Variants in HCRTR2 observed in about 807,000 individuals in gnomAD.
The protein encoded by HCRTR2 is orexin receptor type 2.
HCRTR2 carries 22 observed loss-of-function variants against 49.0 expected under a neutral mutation model. That is an observed-to-expected ratio of 0.45 (90% CI 0.32 to 0.64). HCRTR2 has a LOEUF of 0.64. Among genes scored for constraint, HCRTR2 ranks in the 30% least tolerant of loss-of-function variants. HCRTR2 has a pLI of 0.04. For missense variants in HCRTR2, 491 were observed against 559.4 expected (o/e 0.88, Z 1.23); for synonymous variants, 236 against 205.3 (o/e 1.15, Z -1.28).
At chr6:55,108,298 A>G (rs953425862) in intron 1 of HCRTR2, among the ~76,000 whole-genome samples, 3 of 151,998 alleles carry the variant, frequency 2.0e-5, no homozygotes, top group Non-Finnish European at 4.4e-5. Context: ...GTGGGTGGAG[A>G]CTCACATTAT....
At chr6:55,232,870 T>G (rs1234168288) in intron 1 of HCRTR2, among the ~76,000 whole-genome samples, 1 of 152,184 alleles carries the variant, frequency 6.6e-6, no homozygotes, top group African/African-American at 2.4e-5. Context: ...TGAGATAGAT[T>G]TTTAACTCCG....
chr6:55,137,941 A>G (rs1171321043), intron 1 of HCRTR2, among the ~76,000 whole-genome samples: 1 of 152,190 alleles, frequency 6.6e-6, no homozygotes, highest in Non-Finnish European at 1.5e-5. Context: ...ATGTGGCCAT[A>G]GGAACTTTAG....
chr6:55,264,542 C>T (rs939017385), intron 4 of HCRTR2, among the ~76,000 whole-genome samples: 1 of 151,924 alleles, frequency 6.6e-6, no homozygotes, highest in East Asian at 1.9e-4. Context: ...AGATGCAGGG[C>T]GAAAATTACT....
intron 1 of HCRTR2, among the ~76,000 whole-genome samples, chr6:55,198,426 C>T (rs866073651): frequency 9.9e-5 from 15 of 152,106 alleles, no homozygotes; most frequent in South Asian, 6.2e-4. Flanking sequence ...CTAATGCTAA[C>T]GTTCAGGCTA....
chr6:55,225,696 A>C (rs1253889938), intron 1 of HCRTR2, among the ~76,000 whole-genome samples: 1 of 152,232 alleles, frequency 6.6e-6, no homozygotes, highest in Non-Finnish European at 1.5e-5. Context: ...TTTTTAAGAT[A>C]CATGAAGGTT....
chr6:55,187,222 T>C (rs1180832806), intron 1 of HCRTR2, among the ~76,000 whole-genome samples: 3 of 151,562 alleles, frequency 2.0e-5, no homozygotes, highest in African/African-American at 7.3e-5. Context: ...CTGGCCAACA[T>C]GGTAAAACCC....
intron 1 of HCRTR2, among the ~76,000 whole-genome samples, chr6:55,162,147 G>A (rs963321128): frequency 2.0e-4 from 30 of 152,164 alleles, no homozygotes; most frequent in African/African-American, 3.1e-4. Flanking sequence ...CCACGATCAA[G>A]TTGGCTTCAT....
At chr6:55,150,330 T>TATA in intron 1 of HCRTR2, among the ~76,000 whole-genome samples, 1 of 151,812 alleles carries the variant, frequency 6.6e-6, no homozygotes, top group Admixed American at 6.6e-5. Context: ...TTATTATTAT[T>TATA]ATTATTGGTG....
chr6:55,264,864 G>C (rs1766833716), intron 4 of HCRTR2, among the ~76,000 whole-genome samples: 1 of 152,066 alleles, frequency 6.6e-6, no homozygotes, highest in African/African-American at 2.4e-5. Context: ...CAACTGAAAA[G>C]ATTTACTGGA....
intron 1 of HCRTR2, among the ~76,000 whole-genome samples, chr6:55,150,750 G>A (rs1764654056): frequency 6.6e-6 from 1 of 151,874 alleles, no homozygotes; most frequent in Non-Finnish European, 1.5e-5. Flanking sequence ...TGGAAATGGA[G>A]GTTGCTTCCA....
chr6:55,239,234 A>G (rs1488632733), intron 1 of HCRTR2, among the ~76,000 whole-genome samples: 1 of 152,184 alleles, frequency 6.6e-6, no homozygotes, highest in Non-Finnish European at 1.5e-5. Flanking sequence ...GCCAGCCTTA[A>G]AGGCCTGTGA....
chr6:55,264,041 T>G, intron 4 of HCRTR2: 1 of 500,492 alleles, frequency 2.0e-6, no homozygotes, highest in Non-Finnish European at 3.5e-6. Context: ...CTAGGCATTT[T>G]TAGAGTAATA....
At chr6:55,106,976 G>A (rs1357640524) in intron 1 of HCRTR2, among the ~76,000 whole-genome samples, 1 of 152,116 alleles carries the variant, frequency 6.6e-6, no homozygotes, top group Non-Finnish European at 1.5e-5. Flanking sequence ...AGTCATGAAA[G>A]CACCTTCTAG....
chr6:55,230,221 A>G (rs1035626610), intron 1 of HCRTR2, among the ~76,000 whole-genome samples: 1 of 152,240 alleles, frequency 6.6e-6, no homozygotes, highest in Non-Finnish European at 1.5e-5. Context: ...TCTGTTTTAA[A>G]GTCTTTAGTA....
intron 1 of HCRTR2, among the ~76,000 whole-genome samples, chr6:55,154,721 A>T (rs913054900): frequency 8.5e-6 from 1 of 117,400 alleles, no homozygotes; most frequent in Non-Finnish European, 2.2e-5. Flanking sequence ...AATAAATATA[A>T]ATAAATAAAT....
At chr6:55,159,983 G>C (rs1764783527) in intron 1 of HCRTR2, among the ~76,000 whole-genome samples, 1 of 152,090 alleles carries the variant, frequency 6.6e-6, no homozygotes, top group Non-Finnish European at 1.5e-5. Context: ...AGGAAATACA[G>C]AGTACATCAC....
At chr6:55,251,150 A>G (rs947675144) in intron 2 of HCRTR2, among the ~76,000 whole-genome samples, 3 of 152,126 alleles carry the variant, frequency 2.0e-5, no homozygotes, top group Non-Finnish European at 4.4e-5. Context: ...TATGATATTT[A>G]TGTCTTACTG....
At chr6:55,283,187 A>G (rs75411348), downstream of HCRTR2, among the ~76,000 whole-genome samples, 1,802 of 152,318 alleles carry the variant, frequency 0.012, 33 homozygotes, top group African/African-American at 0.041. Flanking sequence ...CAACAACAAC[A>G]AAAAGTGATA....
intron 1 of HCRTR2, among the ~76,000 whole-genome samples, chr6:55,144,339 C>T (rs1376786126): frequency 3.3e-5 from 5 of 151,970 alleles, no homozygotes; most frequent in Non-Finnish European, 5.9e-5. Context: ...TGGTCTTGAA[C>T]TCCAGACCTC....
Sources: allele counts gnomAD v4.1 joint callset (sites outside exome capture counted in the v4.1 genomes callset), GRCh38; gene constraint gnomAD v4.1.1; transcripts MANE v1.5; gene names NCBI Gene and HGNC (gene_info 2026-07-23, HGNC 2026-07-21).